TCHP: variants seen among roughly 807,000 people sequenced by gnomAD.
TCHP encodes the protein trichoplein keratin filament binding.
In TCHP, 81 loss-of-function variants were observed where a neutral mutation model predicts 88.7. The ratio of observed to expected loss-of-function variants is 0.91; its 90% confidence interval spans 0.76 to 1.10. TCHP has a LOEUF of 1.10. Ranked by LOEUF, TCHP falls within the 50% of genes least tolerant of loss-of-function variation. The pLI, the probability that TCHP is intolerant of heterozygous loss-of-function variation, is 0.00. For missense variants in TCHP, 641 were observed against 632.1 expected (o/e 1.01, Z -0.15); for synonymous variants, 232 against 232.5 (o/e 1.00, Z 0.02).
At chr12:109,913,740 ACT>A (rs1565913624) in intron 10 of TCHP, among the ~76,000 whole-genome samples, 1 of 151,788 alleles carries the variant, frequency 6.6e-6, no homozygotes, top group Non-Finnish European at 1.5e-5. Flanking sequence ...CAAATGAGAA[ACT>A]CTACGTTGTG....
upstream of TCHP, among the ~76,000 whole-genome samples, chr12:109,896,105 C>T (rs1295242940): frequency 2.0e-5 from 3 of 152,080 alleles, no homozygotes; most frequent in Non-Finnish European, 1.5e-5. Context: ...CACTACCACA[C>T]CTGGCTAATT....
chr12:109,881,251 C>G, the TCHP span, among the ~76,000 whole-genome samples: 1 of 152,330 alleles, frequency 6.6e-6, no homozygotes, highest in East Asian at 1.9e-4. Flanking sequence ...CCATTCACGC[C>G]CTTTACACTT....
chr12:109,914,634 C>T lies in TCHP; in HGVS notation c.1320+7C>T. On this transcript the variant is annotated splice_region_variant and intron_variant, in intron 11 of 12. Transcript: ENST00000405876. ...GCAGGAGCTGGAAGCCCAGGTAGGG[C>T]TGAGCCCAAGGGCGGGAGGCACCGG... The T allele has an allele frequency of 6.2e-7, 1 of 1,608,834 alleles. No homozygotes were observed. The highest frequency in any genetic ancestry group is 8.5e-7 in the Non-Finnish European group (1 of 1,178,462).
intron 9 of TCHP, 120 bp downstream of exon 9, chr12:109,911,355 T>A: frequency 1.8e-6 from 1 of 568,914 alleles, no homozygotes; most frequent in Non-Finnish European, 3.0e-6. Flanking sequence ...CTCACACCTG[T>A]AATCCTAGCA....
rs1029763607 is a variant in TCHP at position 109,917,935 on chromosome 12, C to T, written c.*1312C>T. 4 of 152,220 alleles carry T rather than the reference C, an allele frequency of 2.6e-5. No individual in the cohort carries two copies. The highest frequency in any genetic ancestry group is 6.5e-5 in the Admixed American group (1 of 15,274). 9.4% of individuals were successfully genotyped at this position (152,220 alleles called of 1,614,324 possible). ...AACAGATCAAGCTGCAAACCACGTCCTTCATCTGTTGTTCATTTTCTTGCA... is the reference window on the plus strand; with the variant it reads ...AACAGATCAAGCTGCAAACCACGTCTTTCATCTGTTGTTCATTTTCTTGCA... On this transcript the variant is annotated 3_prime_UTR_variant, in exon 13 of 13. Coordinates refer to ENST00000405876, the MANE Select transcript of TCHP (RefSeq NM_001143852.2).
intron 8 of TCHP, 22 bp from the exon 9 acceptor site, chr12:109,911,041 T>C (rs760850039): frequency 7.9e-5 from 121 of 1,535,022 alleles, no homozygotes; most frequent in Non-Finnish European, 1.0e-4. Context: ...CCCAGCCACG[T>C]GCCGCCCTCT....
At chr12:109,898,121 G>T (rs1490286314), upstream of TCHP, among the ~76,000 whole-genome samples, 2 of 152,206 alleles carry the variant, frequency 1.3e-5, no homozygotes, top group Non-Finnish European at 2.9e-5. Flanking sequence ...GCTCAAGTTT[G>T]GGCTCACCTG....
the TCHP span, among the ~76,000 whole-genome samples, chr12:109,882,750 C>A: frequency 6.6e-6 from 1 of 150,430 alleles, no homozygotes. Context: ...CTCCGCCTCC[C>A]GGGTTCAGGC....
In TCHP at chr12:109,904,122, C is replaced by T; in HGVS notation, c.374C>T (p.Ser125Leu). 1 of 1,579,506 alleles carries T rather than the reference C, an allele frequency of 6.3e-7. No individual in the cohort carries two copies. Among genetic ancestry groups the T allele is most frequent in the East Asian group, 2.3e-5 (1 of 42,862 alleles). The change falls in exon 3 of 13, where the codon TCA (serine) becomes TTA (leucine). Residue 125 changes from serine to leucine, a missense_variant. Coordinates refer to ENST00000405876, the MANE Select transcript of TCHP (RefSeq NM_001143852.2). ...CGGGAGCAGCACGGGAAGCTGAAAT[C>T]AGCCAAAGAAGAGCAGAGGAAACTG... ...RIREQHGKLK[S>L]AKEEQRKLIA... is the part of the protein sequence containing the mutation.
chr12:109,900,035 C>T (rs1269695423), upstream of TCHP, among the ~76,000 whole-genome samples: 1 of 152,176 alleles, frequency 6.6e-6, no homozygotes, highest in Non-Finnish European at 1.5e-5. Flanking sequence ...TCACGCGCAG[C>T]CAGGTTTGAG....
upstream of TCHP, among the ~76,000 whole-genome samples, chr12:109,899,284 G>C (rs1423469318): frequency 6.6e-6 from 1 of 152,244 alleles, no homozygotes; most frequent in Non-Finnish European, 1.5e-5. Flanking sequence ...TGTAGCACAC[G>C]AGTTATAAAA....
At chr12:109,891,813 G>C in the TCHP span, among the ~76,000 whole-genome samples, 2 of 150,168 alleles carry the variant, frequency 1.3e-5, no homozygotes, top group African/African-American at 4.9e-5. Flanking sequence ...AGGTTCAAAT[G>C]ATTCTCCTGC....
upstream of TCHP, among the ~76,000 whole-genome samples, chr12:109,899,714 C>T (rs1032687949): frequency 5.3e-5 from 8 of 152,180 alleles, no homozygotes; most frequent in African/African-American, 1.4e-4. Flanking sequence ...ATTGAACACA[C>T]CTGGGGAATT....
chr12:109,885,582 G>A, the TCHP span, among the ~76,000 whole-genome samples: 3 of 147,384 alleles, frequency 2.0e-5, no homozygotes, highest in East Asian at 2.1e-4. Context: ...TTCCAGGTTC[G>A]CGCCATTCTC....
chr12:109,915,660 G>A (rs1489660209), intron 12 of TCHP, 114 bp downstream of exon 12: 13 of 1,223,584 alleles, frequency 1.1e-5, no homozygotes. Flanking sequence ...GGCCGTCCGG[G>A]TTATTCCTTG....
rs76289853 is a variant in TCHP at position 109,906,283 on chromosome 12, C to T, written c.457-289C>T. On this transcript the variant is annotated intron_variant, in intron 4 of 12. Coordinates refer to ENST00000405876, the MANE Select transcript of TCHP (RefSeq NM_001143852.2). ...CTTTGAAATTGTATTTCCATTTCAG[C>T]GTCCAGCCCAACCCTAGGGCTAGTG... Among the ~76,000 whole-genome samples the T allele has an allele frequency of 8.2e-3, 1,254 of 152,290 alleles. 22 individuals are homozygous for T. The highest frequency in any genetic ancestry group is 0.028 in the African/African-American group (1,171 of 41,566).
intron 11 of TCHP, 103 bp downstream of exon 11, chr12:109,914,730 A>G: frequency 1.0e-6 from 1 of 953,924 alleles, no homozygotes; most frequent in Non-Finnish European, 1.6e-6. Context: ...GGGCTTGCGC[A>G]CGTTTGAGAG....
In TCHP at chr12:109,906,531, G is replaced by A. The variant is rs779723277; in HGVS notation, c.457-41G>A. 53 of 1,601,590 alleles carry A rather than the reference G, an allele frequency of 3.3e-5. No individual in the cohort carries two copies. In the Middle Eastern group the frequency reaches 5.0e-4, roughly 15 times the overall value. ...CACACTGTCCCCACAGTGCCCATCT[G>A]TCTGGTGAGGAAATTCACATCGTCC... On this transcript the variant is annotated intron_variant, in intron 4 of 12. Coordinates refer to ENST00000405876, the MANE Select transcript of TCHP (RefSeq NM_001143852.2).
intron 12 of TCHP, 105 bp from the exon 13 acceptor site, chr12:109,916,486 C>T: frequency 8.4e-7 from 1 of 1,196,762 alleles, no homozygotes; most frequent in Non-Finnish European, 1.2e-6. Flanking sequence ...GGAAATGAAA[C>T]AGCCATTTAT....
Sources: allele counts gnomAD v4.1 joint callset (sites outside exome capture counted in the v4.1 genomes callset), GRCh38; gene constraint gnomAD v4.1.1; transcripts MANE v1.5; gene names NCBI Gene and HGNC (gene_info 2026-07-23, HGNC 2026-07-21).